Variants in SYN3 observed in about 807,000 individuals in gnomAD.
The protein encoded by SYN3 is synapsin-3.
SYN3 carries 35 observed loss-of-function variants against 65.8 expected under a neutral mutation model. That is an observed-to-expected ratio of 0.53 (90% CI 0.41 to 0.70). SYN3 has a LOEUF of 0.70. SYN3 is among the 30% of genes least tolerant of loss of function. The pLI, the probability that SYN3 is intolerant of heterozygous loss-of-function variation, is 0.00. For missense variants in SYN3, 680 were observed against 749.0 expected (o/e 0.91, Z 1.08); for synonymous variants, 270 against 292.9 (o/e 0.92, Z 0.80).
At chr22:32,655,612 C>T (rs909723065) in intron 6 of SYN3, among the ~76,000 whole-genome samples, 5 of 152,122 alleles carry the variant, frequency 3.3e-5, no homozygotes, top group African/African-American at 9.7e-5. Context: ...CTATTGTGAA[C>T]CATGCATGCA....
At chr22:32,759,906 C>A (rs1301509828) in intron 6 of SYN3, among the ~76,000 whole-genome samples, 1 of 90,084 alleles carries the variant, frequency 1.1e-5, no homozygotes, top group Non-Finnish European at 2.3e-5. Context: ...AGTACCCACC[C>A]ACCAGCAGCC....
chr22:32,810,316 A>G (rs2046882914), intron 6 of SYN3, among the ~76,000 whole-genome samples: 4 of 152,186 alleles, frequency 2.6e-5, no homozygotes, highest in South Asian at 4.1e-4. Context: ...ACACTACCCA[A>G]CACTCAAGTC....
intron 10 of SYN3, among the ~76,000 whole-genome samples, chr22:32,532,656 C>A (rs964551793): frequency 7.3e-6 from 1 of 137,842 alleles, no homozygotes; most frequent in African/African-American, 2.9e-5. Context: ...CCTGGCATGA[C>A]TGGGCTCCCA....
chr22:32,663,360 G>A (rs1299140285), intron 6 of SYN3, among the ~76,000 whole-genome samples: 4 of 148,998 alleles, frequency 2.7e-5, no homozygotes, highest in Admixed American at 6.7e-5. Context: ...GTGCAGTGGC[G>A]CCATCTTGGC....
chr22:32,821,410 T>C (rs2047242954), intron 6 of SYN3, among the ~76,000 whole-genome samples: 1 of 152,200 alleles, frequency 6.6e-6, no homozygotes, highest in Admixed American at 6.5e-5. Flanking sequence ...ATCAGTGCTG[T>C]GCTATTAAAA....
chr22:32,730,958 GC>G (rs1050521724), intron 6 of SYN3, among the ~76,000 whole-genome samples: 2 of 152,086 alleles, frequency 1.3e-5, no homozygotes, highest in African/African-American at 4.8e-5. Context: ...TTCCAGGATG[GC>G]CTTTCATGAC....
rs529062832 is a variant in SYN3, at chr22:32,746,268, T to C, written c.711+118647A>G. Among the ~76,000 whole-genome samples the C allele has an allele frequency of 1.7e-3, 254 of 152,328 alleles. 2 individuals are homozygous for C. Among genetic ancestry groups the C allele is most frequent in the African/African-American group, 5.9e-3 (244 of 41,568 alleles). ...GAATCCCCCTTTGGGTTGACTTTTATGACCAGCTGGTGCCCTTTCCCAGAC... is the reference window on the plus strand; with the variant it reads ...GAATCCCCCTTTGGGTTGACTTTTACGACCAGCTGGTGCCCTTTCCCAGAC... On this transcript the variant is annotated intron_variant, in intron 6 of 13. Transcript: ENST00000358763.
intron 6 of SYN3, among the ~76,000 whole-genome samples, chr22:32,653,340 C>T (rs139293828): frequency 9.9e-5 from 15 of 151,948 alleles, no homozygotes; most frequent in South Asian, 6.2e-4. Context: ...GGCAAAATCA[C>T]GGCTAAAATA....
chr22:32,913,453 C>G (rs769021998), intron 4 of SYN3, among the ~76,000 whole-genome samples: 4 of 151,848 alleles, frequency 2.6e-5, no homozygotes, highest in Non-Finnish European at 4.4e-5. Flanking sequence ...CCACCCCGCA[C>G]AGCCAAGTCT....
At chr22:32,869,690 GTTTTTTTTTT>G (rs748620876) in intron 4 of SYN3, among the ~76,000 whole-genome samples, 6,095 of 114,948 alleles carry the variant, frequency 0.053, 369 homozygotes, top group African/African-American at 0.16. Context: ...ACACATCTTG[GTTTTTTTTTT>G]TTTTTTTTTT....
rs1161029060 is a variant in SYN3, at chr22:32,663,724, G to A, written c.712-66988C>T. On this transcript the variant is annotated intron_variant, in intron 6 of 13. Transcript: ENST00000358763. ...GTGTAATTTTATTGATTCTGCTTAT[G>A]AGTTCAATGTTTTCATATTTGCATT... Among the ~76,000 whole-genome samples the A allele has an allele frequency of 3.9e-5, 6 of 152,278 alleles. No homozygotes were observed. In the East Asian group the frequency reaches 1.2e-3, roughly 29 times the overall value.
intron 5 of SYN3, among the ~76,000 whole-genome samples, chr22:32,866,498 C>T (rs2048692667): frequency 1.3e-5 from 2 of 152,202 alleles, no homozygotes; most frequent in Non-Finnish European, 1.5e-5. Flanking sequence ...CCTAGCTCTA[C>T]CACTTTCTAC....
chr22:32,904,343 C>T (rs929359014), intron 4 of SYN3, among the ~76,000 whole-genome samples: 2 of 152,174 alleles, frequency 1.3e-5, no homozygotes, highest in African/African-American at 4.8e-5. Context: ...CTCCTCCTCC[C>T]TTGGCTAGCA....
At chr22:32,537,891 A>G (rs1361903276) in intron 9 of SYN3, 145 bp downstream of exon 9, 55 of 646,350 alleles carry the variant, frequency 8.5e-5, no homozygotes, top group Non-Finnish European at 1.1e-5. Flanking sequence ...GGCAGTGAAG[A>G]TGATCATGTC....
chr22:32,725,992 C>T (rs1601992569), intron 6 of SYN3, among the ~76,000 whole-genome samples: 2 of 152,282 alleles, frequency 1.3e-5, no homozygotes, highest in East Asian at 1.9e-4. Context: ...TGGCTCCTTC[C>T]TGGTACATGC....
intron 6 of SYN3, among the ~76,000 whole-genome samples, chr22:32,644,073 CAAAAAAA>C (rs1175308291): frequency 0.014 from 56 of 3,910 alleles, 5 homozygotes; most frequent in South Asian, 0.025. Context: ...GACTCTGCCT[CAAAAAAA>C]AAAAAAAAAA....
chr22:32,930,400 A>G (rs2050595259), intron 4 of SYN3, among the ~76,000 whole-genome samples: 1 of 152,152 alleles, frequency 6.6e-6, no homozygotes, highest in Non-Finnish European at 1.5e-5. Context: ...AGGCCTCCTC[A>G]GCCACGTGGA....
chr22:33,019,705 C>T (rs924890589), intron 1 of SYN3, among the ~76,000 whole-genome samples: 3 of 152,114 alleles, frequency 2.0e-5, no homozygotes, highest in Non-Finnish European at 2.9e-5. Context: ...AGTGCAGTGG[C>T]GCGATCTTGG....
intron 6 of SYN3, among the ~76,000 whole-genome samples, chr22:32,690,263 A>C (rs2060644996): frequency 1.3e-5 from 2 of 152,168 alleles, no homozygotes; most frequent in African/African-American, 4.8e-5. Context: ...ACCAATAAAC[A>C]AACCCTCACA....
Sources: gnomAD v4.1 joint callset for allele counts (sites outside exome capture counted in the v4.1 genomes callset) on GRCh38, gnomAD v4.1.1 for gene constraint, MANE v1.5 for transcripts, NCBI Gene and HGNC (gene_info 2026-07-23, HGNC 2026-07-21) for gene names.